Variants in DLGAP2 observed in about 807,000 individuals in gnomAD.
The protein encoded by DLGAP2 is disks large-associated protein 2.
DLGAP2 carries 26 observed loss-of-function variants against 100.3 expected under a neutral mutation model. That is an observed-to-expected ratio of 0.26 (90% confidence interval 0.19 to 0.36). The LOEUF is 0.36. Among genes scored for constraint, DLGAP2 ranks in the 10% least tolerant of loss-of-function variants. The probability of loss-of-function intolerance (pLI) is 1.00; values close to 1 mark genes in which losing one functional copy is unlikely to be tolerated. For missense variants in DLGAP2, 1,858 were observed against 1,453.2 expected, an observed-to-expected ratio of 1.28 and a Z score of -4.53; for synonymous variants, 886 against 630.1, an observed-to-expected ratio of 1.41 and a Z score of -6.08.
Position 1,668,574 on chromosome 8 carries a change from C to T in DLGAP2, c.2056C>T (p.Leu686=), listed in dbSNP as rs1798606968. The stretch of plus-strand genomic sequence containing the variant: ...GGAAACGGCCGCTGCCCAGCGCCAC[C>T]TGCCAGAGAGCCAGAGCAGCTCTGT... The part of the protein sequence containing the change: ...ALETAAAQRH[L]PESQSSSVRT... The change falls in exon 9 of 15, where the codon CTG becomes TTG. Residue 686 remains leucine, a synonymous_variant. Coordinates refer to ENST00000637795, the MANE Select transcript of DLGAP2 (RefSeq NM_001346810.2). The T allele has an allele frequency of 2.5e-6, 4 of 1,594,900 alleles. No homozygotes were observed. Among genetic ancestry groups the T allele is most frequent in the Non-Finnish European group, 3.4e-6 (4 of 1,171,812 alleles).
intron 2 of DLGAP2, among the ~76,000 whole-genome samples, chr8:920,159 G>A (rs1395560801): frequency 6.6e-6 from 1 of 152,232 alleles, no homozygotes; most frequent in East Asian, 1.9e-4. Context: ...ACATCAGGCT[G>A]TGACCACGCA....
chr8:1,506,810 A>C (rs1050584385), intron 4 of DLGAP2, among the ~76,000 whole-genome samples: 1 of 152,196 alleles, frequency 6.6e-6, no homozygotes, highest in African/African-American at 2.4e-5. Context: ...ACAATCCTCT[A>C]TCTAGACATA....
intron 2 of DLGAP2, among the ~76,000 whole-genome samples, chr8:1,197,656 GGAGCA>G (rs2116747726): frequency 1.5e-5 from 1 of 65,790 alleles, no homozygotes; most frequent in African/African-American, 1.0e-4. Flanking sequence ...ACGCCAATGT[GGAGCA>G]TCTGGGCCAC....
At chr8:1,652,589 C>G (rs1018330989) in intron 8 of DLGAP2, among the ~76,000 whole-genome samples, 1 of 152,160 alleles carries the variant, frequency 6.6e-6, no homozygotes, top group East Asian at 1.9e-4. Context: ...ATAAAACCCT[C>G]TGTCAGGTCA....
intron 3 of DLGAP2, among the ~76,000 whole-genome samples, chr8:1,429,088 G>T (rs1427791686): frequency 6.6e-6 from 1 of 152,218 alleles, no homozygotes; most frequent in African/African-American, 2.4e-5. Context: ...AGGTGAGACA[G>T]AAAATTTCAT....
chr8:1,593,316 G>A (rs1470305428), intron 6 of DLGAP2, among the ~76,000 whole-genome samples: 18 of 151,952 alleles, frequency 1.2e-4, no homozygotes, highest in African/African-American at 3.1e-4. Context: ...TTAGCTGGGC[G>A]TGGTGGCGGG....
intron 3 of DLGAP2, among the ~76,000 whole-genome samples, chr8:1,468,539 C>T (rs1193653403): frequency 6.6e-6 from 1 of 152,238 alleles, no homozygotes; most frequent in East Asian, 1.9e-4. Context: ...ACACCTGTTC[C>T]AACACATGGA....
chr8:1,191,347 T>G (rs1480506211), intron 2 of DLGAP2, among the ~76,000 whole-genome samples: 1 of 152,038 alleles, frequency 6.6e-6, no homozygotes, highest in Non-Finnish European at 1.5e-5. Context: ...ATTTTTTGTA[T>G]TTTTGGTAGA....
rs369727619 is a variant in DLGAP2 at position 850,059 on chromosome 8, T to TAA, written c.19-57835_19-57834dup. The stretch of plus-strand genomic sequence containing the variant: ...GCCTGGGCAACAGAAGGAGACTGTC[T>TAA]AAAAAAAAAAAAAAAAAAACTAGGT... On this transcript the variant is annotated intron_variant, in intron 1 of 14. Transcript: ENST00000637795. Among the ~76,000 whole-genome samples, 468 of 129,266 alleles carry TAA rather than the reference T, an allele frequency of 3.6e-3. 2 individuals are homozygous for TAA. Among genetic ancestry groups the TAA allele is most frequent in the African/African-American group, 8.9e-3 (296 of 33,430 alleles). 84.8% of individuals were successfully genotyped at this position (129,266 alleles called of 152,430 possible).
In DLGAP2 at chr8:960,237, C is replaced by CT. The variant is rs71528625; in HGVS notation, c.73+52286dup. ...TTGGGCAATTATTCCTGAAGTATATCTTTTTTTTTTTTTTTCCCGAGACAC... is the reference window on the plus strand; with the variant it reads ...TTGGGCAATTATTCCTGAAGTATATCTTTTTTTTTTTTTTTTCCCGAGACAC... On this transcript the variant is annotated intron_variant, in intron 2 of 14. Coordinates refer to ENST00000637795, the MANE Select transcript of DLGAP2 (RefSeq NM_001346810.2). Among the ~76,000 whole-genome samples the CT allele has an allele frequency of 4.0e-4, 18 of 44,652 alleles. 3 individuals are homozygous for CT. The South Asian group carries it at 5.7e-3, about 14-fold the overall frequency. 29.3% of individuals were successfully genotyped at this position (44,652 alleles called of 152,430 possible).
intron 3 of DLGAP2, among the ~76,000 whole-genome samples, chr8:1,316,685 C>G (rs117489053): frequency 0.18 from 20,866 of 117,522 alleles, 2,400 homozygotes; most frequent in Admixed American, 0.29. Context: ...TTTAAAAATA[C>G]AGCGTGCGTG....
chr8:1,340,955 C>T (rs1801403584), intron 3 of DLGAP2, among the ~76,000 whole-genome samples: 2 of 152,158 alleles, frequency 1.3e-5, no homozygotes, highest in Non-Finnish European at 2.9e-5. Context: ...AGCTGGAGGC[C>T]ATTATCCCTA....
At chr8:1,670,210 A>G (rs1798656179) in intron 10 of DLGAP2, among the ~76,000 whole-genome samples, 1 of 152,192 alleles carries the variant, frequency 6.6e-6, no homozygotes, top group Non-Finnish European at 1.5e-5. Context: ...CCAACTTCTA[A>G]GCACGTGCAG....
chr8:1,547,036 G>A (rs1413616006), intron 4 of DLGAP2, among the ~76,000 whole-genome samples: 1 of 152,140 alleles, frequency 6.6e-6, no homozygotes, highest in Non-Finnish European at 1.5e-5. Flanking sequence ...TGTGGAGCCG[G>A]GTCTTGGAGT....
chr8:1,609,227 G>A (rs898929876), intron 6 of DLGAP2, among the ~76,000 whole-genome samples: 20 of 142,974 alleles, frequency 1.4e-4, no homozygotes, highest in Non-Finnish European at 2.5e-4. Flanking sequence ...GAGAGTGGGG[G>A]CCAATATTCA....
At chr8:1,688,908 A>G (rs1460208788) in intron 12 of DLGAP2, among the ~76,000 whole-genome samples, 6 of 152,186 alleles carry the variant, frequency 3.9e-5, no homozygotes, top group African/African-American at 1.4e-4. Flanking sequence ...CAACTGGCTC[A>G]TAGCATTTTA....
At chr8:1,524,444 C>T (rs988104407) in intron 4 of DLGAP2, among the ~76,000 whole-genome samples, 1 of 152,126 alleles carries the variant, frequency 6.6e-6, no homozygotes, top group Non-Finnish European at 1.5e-5. Context: ...GCAGCCCTAA[C>T]TAAGGAGCCC....
chr8:1,133,036 G>T (rs573371763), intron 2 of DLGAP2, among the ~76,000 whole-genome samples: 10 of 152,320 alleles, frequency 6.6e-5, no homozygotes, highest in African/African-American at 2.2e-4. Context: ...TCTGTGTGTG[G>T]TGGGGTCCTT....
intron 3 of DLGAP2, among the ~76,000 whole-genome samples, chr8:1,451,433 T>C (rs1165769483): frequency 6.6e-6 from 1 of 152,100 alleles, no homozygotes; most frequent in Non-Finnish European, 1.5e-5. Flanking sequence ...ATCACATCCA[T>C]CAGCCCAGCA....
Sources: gnomAD v4.1 joint callset for allele counts (sites outside exome capture counted in the v4.1 genomes callset) on GRCh38, gnomAD v4.1.1 for gene constraint, MANE v1.5 for transcripts, NCBI Gene and HGNC (gene_info 2026-07-23, HGNC 2026-07-21) for gene names.